ABCA13: variants seen among roughly 807,000 people sequenced by gnomAD.
The protein encoded by ABCA13 is ATP binding cassette subfamily A member 13, also known as ATP-binding cassette sub-family A member 13.
In ABCA13, 476 loss-of-function variants were observed where a neutral mutation model predicts 478.7. The ratio of observed to expected loss-of-function variants is 0.99; its 90% CI spans 0.92 to 1.07. ABCA13 has a LOEUF of 1.07. Ranked by LOEUF, ABCA13 falls within the 50% of genes least tolerant of loss-of-function variation. ABCA13 has a pLI of 0.00. For synonymous variants in ABCA13, 2,252 were observed against 2,158.9 expected (o/e 1.04, Z -1.20); for missense variants, 6,060 against 5,910.6 (o/e 1.03, Z -0.83).
intron 34 of ABCA13, among the ~76,000 whole-genome samples, chr7:48,375,980 T>C (rs1005748988): frequency 6.6e-6 from 1 of 152,134 alleles, no homozygotes; most frequent in Non-Finnish European, 1.5e-5. Context: ...AATCCAGAAA[T>C]AAATCACAAA....
At position 48,244,577 on chromosome 7, in the gene ABCA13, T is replaced by A. The variant is rs1238439925; in HGVS notation, c.1264T>A (p.Leu422Ile). 6.2e-7 allele frequency: 1 copy of A among 1,612,728 alleles called. No homozygotes were observed. Among genetic ancestry groups the A allele is most frequent in the South Asian group, 1.1e-5 (1 of 91,026 alleles). Residue 422 changes from leucine to isoleucine, a missense_variant and splice_region_variant, in exon 11 of 62, where the codon TTA becomes ATA. This residue lies in a region of ABCA13 where 4,423 missense variants were observed against 4,309.1 expected (regional missense o/e 1.03). Transcript: ENST00000435803. ...TCATTTATTTATTTTTGCCCTCAGA[T>A]TACAGCATCTGTGGAAATTGCAAAG... ...PKDNHTFPKILQHLWKLQSLL... is the reference protein window; with the variant it reads ...PKDNHTFPKIIQHLWKLQSLL...
chr7:48,246,461 G>C (rs569799235), intron 13 of ABCA13, among the ~76,000 whole-genome samples: 2 of 152,168 alleles, frequency 1.3e-5, no homozygotes, highest in Non-Finnish European at 2.9e-5. Flanking sequence ...CCCCTGTTCA[G>C]CGCTCAAGTG....
At chr7:48,316,583 G>A (rs569550362) in intron 26 of ABCA13, among the ~76,000 whole-genome samples, 1 of 152,258 alleles carries the variant, frequency 6.6e-6, no homozygotes, top group Admixed American at 6.5e-5. Context: ...TCCTGTCTTG[G>A]TTTATTTGGT....
At chr7:48,608,969 T>C (rs545338512) in intron 58 of ABCA13, among the ~76,000 whole-genome samples, 90 of 152,342 alleles carry the variant, frequency 5.9e-4, no homozygotes, top group African/African-American at 2.1e-3. Context: ...GTTGTTGTTT[T>C]TCTTGTATTT....
intron 31 of ABCA13, among the ~76,000 whole-genome samples, chr7:48,362,409 CTTTT>C (rs35795708): frequency 7.0e-5 from 6 of 86,004 alleles, no homozygotes; most frequent in African/African-American, 9.3e-5. Flanking sequence ...TCCTCTTCTT[CTTTT>C]TTTTTTTTTT....
In ABCA13 at chr7:48,279,370, C is replaced by A; in HGVS notation, c.8176C>A (p.Gln2726Lys). The A allele has an allele frequency of 6.3e-7, 1 of 1,592,212 alleles. No individual in the cohort carries two copies. The highest frequency in any genetic ancestry group is 1.1e-5 in the South Asian group (1 of 88,358). ...VIPFLDKILS[Q>K]NSTEIGSFLK... ...CCCTTTTTTGGATAAAATATTATCA[C>A]AAAACAGCACAGAAATAGGATCTTT... is the stretch of plus-strand genomic sequence containing the variant. The change falls in exon 18 of 62, where the codon CAA (glutamine) becomes AAA (lysine). Residue 2726 changes from glutamine (Q) to lysine (K), a missense_variant. By Grantham distance (53) the Gln-to-Lys change is moderately conservative (BLOSUM62 1). Transcript: ENST00000435803.
chr7:48,172,196 T>C (rs1376920829), intron 1 of ABCA13, among the ~76,000 whole-genome samples: 1 of 152,224 alleles, frequency 6.6e-6, no homozygotes, highest in Non-Finnish European at 1.5e-5. Flanking sequence ...ATGACTAACT[T>C]TATTCCTGAT....
rs759746040 is a variant in ABCA13, at chr7:48,290,834, GC to G, written c.8955+2757del. 9.0e-5 allele frequency among the ~76,000 whole-genome samples: 13 copies of G among 145,066 alleles called. No individual in the cohort carries two copies. In the East Asian group the frequency reaches 1.9e-3, roughly 21 times the overall value. On this transcript the variant is annotated intron_variant, in intron 20 of 61. Transcript: ENST00000435803. Reference sequence around the variant, plus strand: ...ATTGTTCTGACCTAGTTGTATTTCTGCATTGATATGCTACAAAAAGGGATCT... The same window carrying G: ...ATTGTTCTGACCTAGTTGTATTTCTGATTGATATGCTACAAAAAGGGATCT...
rs1303934289 is a variant in ABCA13, at chr7:48,310,172, C to T, written c.9516+31C>T. 3.8e-6 allele frequency: 6 copies of T among 1,572,486 alleles called. No individual in the cohort carries two copies. In the Admixed American group the frequency reaches 6.9e-5, roughly 18 times the overall value. On this transcript the variant is annotated intron_variant, in intron 24 of 61. Coordinates refer to ENST00000435803, the MANE Select transcript of ABCA13 (RefSeq NM_152701.5). Reference sequence around the variant, plus strand: ...GAGAGCATGCTGGCTGGGGGCAGTCCTCTGCAGGACTCTGCTGTGGTGGCT... The same window carrying T: ...GAGAGCATGCTGGCTGGGGGCAGTCTTCTGCAGGACTCTGCTGTGGTGGCT...
At chr7:48,349,431 C>A (rs1563097752) in intron 29 of ABCA13, among the ~76,000 whole-genome samples, 1 of 152,230 alleles carries the variant, frequency 6.6e-6, no homozygotes, top group African/African-American at 2.4e-5. Flanking sequence ...GGAAACTAAT[C>A]TTTCCTTACC....
chr7:48,224,313 T>C (rs986034922), intron 5 of ABCA13, among the ~76,000 whole-genome samples: 3 of 152,220 alleles, frequency 2.0e-5, no homozygotes, highest in African/African-American at 7.2e-5. Context: ...AGACTCACAT[T>C]GCCTGGGACT....
intron 20 of ABCA13, among the ~76,000 whole-genome samples, chr7:48,290,136 C>T (rs1471206567): frequency 6.6e-6 from 1 of 152,210 alleles, no homozygotes; most frequent in African/African-American, 2.4e-5. Context: ...ACTCCTTACC[C>T]TCTTCCACCC....
At chr7:48,179,096 G>A (rs1795292250) in intron 1 of ABCA13, among the ~76,000 whole-genome samples, 1 of 151,760 alleles carries the variant, frequency 6.6e-6, no homozygotes, top group Non-Finnish European at 1.5e-5. Context: ...GAAGCCTAGA[G>A]TTCCCTGGTA....
intron 59 of ABCA13, among the ~76,000 whole-genome samples, chr7:48,625,854 A>G (rs1317127897): frequency 1.3e-5 from 2 of 152,180 alleles, no homozygotes; most frequent in Non-Finnish European, 2.9e-5. Flanking sequence ...AGTGTTGGAG[A>G]TATTTTTAGA....
Position 48,489,360 on chromosome 7 carries a change from A to G in ABCA13, c.13291+16A>G, listed in dbSNP as rs189131358. 4,611 of 1,543,256 alleles carry G rather than the reference A, an allele frequency of 3.0e-3. 12 individuals are homozygous for G. The highest frequency in any genetic ancestry group is 3.7e-3 in the Non-Finnish European group (4,184 of 1,125,456). On this transcript the variant is annotated intron_variant, in intron 48 of 61. Transcript: ENST00000435803. The stretch of plus-strand genomic sequence containing the variant: ...AGACAATACGGTAATGTTATTTTTC[A>G]TGCATTGTAATTCACTACTTTCAAA...
At chr7:48,523,085 A>G (rs1832665427) in intron 53 of ABCA13, among the ~76,000 whole-genome samples, 2 of 152,198 alleles carry the variant, frequency 1.3e-5, no homozygotes, top group Admixed American at 1.3e-4. Context: ...TACTGCCAAC[A>G]CTTCAGATGG....
intron 20 of ABCA13, among the ~76,000 whole-genome samples, chr7:48,289,604 C>T (rs1156392261): frequency 1.3e-5 from 2 of 152,024 alleles, no homozygotes; most frequent in Admixed American, 1.3e-4. Flanking sequence ...CGTGATCTGC[C>T]CACCTCGACC....
In ABCA13 at chr7:48,615,349, C is replaced by T; in HGVS notation, c.14809C>T (p.Leu4937Phe). The T allele has an allele frequency of 6.4e-7, 1 of 1,574,004 alleles. No homozygotes were observed. The highest frequency in any genetic ancestry group is 8.6e-7 in the Non-Finnish European group (1 of 1,158,290). ...AIMVNGSFKC[L>F]GSPQHIKNRF... ...AATGGTTAACGGCAGCTTCAAATGT[C>T]TTGGTTCTCCTCAGCACATCAAAAA... The change falls in exon 59 of 62, where the codon CTT (leucine) becomes TTT (phenylalanine). Residue 4937 changes from leucine (L) to phenylalanine (F), a missense_variant. Leu to Phe is a conservative substitution (Grantham distance 22). This residue lies in a region of ABCA13 where 1,627 missense variants were observed against 1,571.0 expected (regional missense o/e 1.04). Transcript: ENST00000435803.
chr7:48,209,154 C>T (rs1206274647), intron 3 of ABCA13, among the ~76,000 whole-genome samples: 1 of 151,844 alleles, frequency 6.6e-6, no homozygotes, highest in Admixed American at 6.6e-5. Context: ...ATGGATGAAT[C>T]CCACTTGGTC....
Sources: gnomAD v4.1 joint callset for allele counts (sites outside exome capture counted in the v4.1 genomes callset) on GRCh38, gnomAD v4.1.1 for gene constraint, gnomAD v4.1.1 regional missense constraint, MANE v1.5 for transcripts, NCBI Gene and HGNC (gene_info 2026-07-23, HGNC 2026-07-21) for gene names.